The following FLRT2 variants were observed in gnomAD, a reference collection of about 807,000 sequenced individuals.
FLRT2 encodes fibronectin leucine rich transmembrane protein 2.
Under a neutral mutation model 40.0 loss-of-function variants are expected in FLRT2, and 15 were observed. That is an observed-to-expected ratio of 0.38 (90% CI 0.25 to 0.58). FLRT2 has a LOEUF of 0.58. Among genes scored for constraint, FLRT2 ranks in the 20% least tolerant of loss-of-function variants. The pLI, the probability that FLRT2 is intolerant of heterozygous loss-of-function variation, is 0.71. For synonymous variants in FLRT2, 380 were observed against 336.8 expected, an observed-to-expected ratio of 1.13 and a Z score of -1.41; for missense variants, 726 against 840.0, an observed-to-expected ratio of 0.86 and a Z score of 1.68.
intron 1 of FLRT2, among the ~76,000 whole-genome samples, chr14:85,561,595 T>C (rs1046523692): frequency 6.6e-6 from 1 of 152,184 alleles, no homozygotes; most frequent in African/African-American, 2.4e-5. Flanking sequence ...GGCAGGTAGA[T>C]GGCAAGGCAT....
intron 1 of FLRT2, among the ~76,000 whole-genome samples, chr14:85,532,846 A>T (rs1256315609): frequency 6.6e-6 from 1 of 152,178 alleles, no homozygotes; most frequent in African/African-American, 2.4e-5. Flanking sequence ...ATCATTTCTC[A>T]GTGTCTAAGT....
At position 85,591,911 on chromosome 14, in the gene FLRT2, A is replaced by C. The variant is rs373869064; in HGVS notation, c.-376-29228A>C. On this transcript the variant is annotated intron_variant, in intron 1 of 1. Transcript: ENST00000330753. ...GCCCTGACTCTTATGGATGTGGAGAATAAAGAGGCATTATGCTTATATAGA... is the reference window on the plus strand; with the variant it reads ...GCCCTGACTCTTATGGATGTGGAGACTAAAGAGGCATTATGCTTATATAGA... Among the ~76,000 whole-genome samples, 13 of 152,348 alleles carry C rather than the reference A, an allele frequency of 8.5e-5. 1 individual carries two copies. The highest frequency in any genetic ancestry group is 2.6e-4 in the African/African-American group (11 of 41,574).
At chr14:85,571,994 T>TA (rs1890910983) in intron 1 of FLRT2, among the ~76,000 whole-genome samples, 1 of 152,188 alleles carries the variant, frequency 6.6e-6, no homozygotes, top group African/African-American at 2.4e-5. Context: ...TCACTATTAT[T>TA]ATCTGACAGC....
rs1893932454 is a variant in FLRT2, at chr14:85,633,552, AC to A, written c.*10056del. 1.3e-5 allele frequency: 2 copies of A among 151,912 alleles called. No homozygotes were observed. Among genetic ancestry groups the A allele is most frequent in the African/African-American group, 4.8e-5 (2 of 41,348 alleles). The allele number at this position is 151,912 out of a possible 1,614,324, so 9.4% of individuals were successfully genotyped here. A position where few individuals can be genotyped will look rare whatever the true frequency, so the allele number is the denominator to read the frequency against. ...AGTGGCTCATGCCTATAATCGCAGT[AC>A]TTTGGGAGGCCAAGGTGGGAGGATT... On this transcript the variant is annotated 3_prime_UTR_variant, in exon 2 of 2. Coordinates refer to ENST00000330753, the MANE Select transcript of FLRT2 (RefSeq NM_013231.6).
intron 1 of FLRT2, among the ~76,000 whole-genome samples, chr14:85,565,800 A>T (rs1203851411): frequency 6.6e-6 from 1 of 152,186 alleles, no homozygotes; most frequent in Non-Finnish European, 1.5e-5. Context: ...ATAACTTCAT[A>T]CCAATTGAAT....
At chr14:85,597,727 T>C (rs754255881) in intron 1 of FLRT2, among the ~76,000 whole-genome samples, 4 of 152,216 alleles carry the variant, frequency 2.6e-5, no homozygotes, top group South Asian at 2.1e-4. Flanking sequence ...CCGCTAAGGA[T>C]GCGGCCAACT....
intron 1 of FLRT2, among the ~76,000 whole-genome samples, chr14:85,549,378 C>A (rs1566721699): frequency 6.6e-6 from 1 of 152,216 alleles, no homozygotes; most frequent in Admixed American, 6.5e-5. Flanking sequence ...CCCAGAAGCT[C>A]TTGTCCTGGC....
rs1332557597 is a variant in FLRT2 at position 85,626,308 on chromosome 14, C to T, written c.*2811C>T. The T allele has an allele frequency of 6.0e-6, 1 of 167,036 alleles. No individual in the cohort carries two copies. The highest frequency in any genetic ancestry group is 2.4e-5 in the African/African-American group (1 of 41,416). The allele number at this position is 167,036 out of a possible 1,614,324, so 10.3% of individuals were successfully genotyped here. ...ATATCTGCTCTGTGTTTGGGCCTCT[C>T]TTGCTGTCATTATGATGTATTTTGA... is the stretch of plus-strand genomic sequence containing the variant. On this transcript the variant is annotated 3_prime_UTR_variant, in exon 2 of 2. Coordinates refer to ENST00000330753, the MANE Select transcript of FLRT2 (RefSeq NM_013231.6).
Position 85,650,032 on chromosome 14 carries a change from A to C in FLRT2, c.*26535A>C, listed in dbSNP as rs1894396144. On this transcript the variant is annotated 3_prime_UTR_variant, in exon 2 of 2. Transcript: ENST00000330753. ...TTTGTCTGAAATTAATATCATCCTA[A>C]ATTTGCTTCATTGCTTTTATTCATT... The C allele has an allele frequency of 2.0e-5, 3 of 152,146 alleles. No individual in the cohort carries two copies. Among genetic ancestry groups the C allele is most frequent in the African/African-American group, 4.8e-5 (2 of 41,558 alleles). The allele number at this position is 152,146 out of a possible 1,614,324, so 9.4% of individuals were successfully genotyped here.
At position 85,621,407 on chromosome 14, in the gene FLRT2, A is replaced by T. The variant is rs1893371927; in HGVS notation, c.-108A>T. On this transcript the variant is annotated 5_prime_UTR_variant, in exon 2 of 2. Coordinates refer to ENST00000330753, the MANE Select transcript of FLRT2 (RefSeq NM_013231.6). ...CCCTCAGGACGTTCCCTCTAGCTGG[A>T]GTTCTGGACTTCAACAGAACCCCAT... 1 of 982,134 alleles carries T rather than the reference A, an allele frequency of 1.0e-6. No homozygotes were observed. Among genetic ancestry groups the T allele is most frequent in the South Asian group, 1.7e-5 (1 of 58,280 alleles). 60.8% of individuals were successfully genotyped at this position (982,134 alleles called of 1,614,324 possible).
intron 1 of FLRT2, among the ~76,000 whole-genome samples, chr14:85,576,241 G>C (rs1891121321): frequency 6.6e-6 from 1 of 152,156 alleles, no homozygotes; most frequent in Non-Finnish European, 1.5e-5. Context: ...TTCAGCTCTA[G>C]TGCTGTTTTA....
chr14:85,603,512 T>A (rs1186940479), intron 1 of FLRT2, among the ~76,000 whole-genome samples: 1 of 152,194 alleles, frequency 6.6e-6, no homozygotes, highest in Non-Finnish European at 1.5e-5. Flanking sequence ...TGATAATAGA[T>A]GATGGGATTT....
At chr14:85,598,553 G>A (rs1221889546) in intron 1 of FLRT2, among the ~76,000 whole-genome samples, 2 of 152,154 alleles carry the variant, frequency 1.3e-5, no homozygotes, top group South Asian at 2.1e-4. Context: ...TGAATTCATC[G>A]TAGGGCTTGG....
rs1446324548 is a variant in FLRT2, at chr14:85,636,525, CT to C, written c.*13029del. ...ATAGCTGTCACTATGGAAGTAATTA[CT>C]CTAAAGGAAATCTGTTTTAAAAAGC... On this transcript the variant is annotated 3_prime_UTR_variant, in exon 2 of 2. Transcript: ENST00000330753. The C allele has an allele frequency of 6.6e-6, 1 of 151,502 alleles. No homozygotes were observed. Among genetic ancestry groups the C allele is most frequent in the Non-Finnish European group, 1.5e-5 (1 of 67,924 alleles). The allele number at this position is 151,502 out of a possible 1,614,324, so 9.4% of individuals were successfully genotyped here.
Position 85,624,760 on chromosome 14 carries a change from G to GGA in FLRT2, c.*1263_*1264insGA, listed in dbSNP as rs28364860. On this transcript the variant is annotated 3_prime_UTR_variant, in exon 2 of 2. Coordinates refer to ENST00000330753, the MANE Select transcript of FLRT2 (RefSeq NM_013231.6). ...CTTGGCTGCACAAGATATCCATTAC[G>GGA]TACTTATACATTTTAAAATGAGTAC... 2.2e-4 allele frequency: 36 copies of GGA among 166,996 alleles called. No homozygotes were observed. The East Asian group carries it at 3.1e-3, about 14-fold the overall frequency. The allele number at this position is 166,996 out of a possible 1,614,324, so 10.3% of individuals were successfully genotyped here.
intron 1 of FLRT2, among the ~76,000 whole-genome samples, chr14:85,558,924 T>C (rs1890141761): frequency 6.6e-6 from 1 of 152,244 alleles, no homozygotes; most frequent in Non-Finnish European, 1.5e-5. Context: ...CATAGTTTTC[T>C]CTGGATTGGA....
chr14:85,547,734 C>A (rs931056646), intron 1 of FLRT2, among the ~76,000 whole-genome samples: 24 of 152,168 alleles, frequency 1.6e-4, no homozygotes, highest in Admixed American at 1.5e-3. Context: ...GGATGTGCAC[C>A]CATGACACAG....
rs780636829 is a variant in FLRT2 at position 85,651,690 on chromosome 14, G to C, written c.*28193G>C. ...GACTTTTATTTTGGCTGATATTTTC[G>C]TTACTTTTTTCTTATTTTTATCCTT... On this transcript the variant is annotated 3_prime_UTR_variant, in exon 2 of 2. Transcript: ENST00000330753. The C allele has an allele frequency of 6.6e-6, 1 of 151,660 alleles. No individual in the cohort carries two copies. Among genetic ancestry groups the C allele is most frequent in the Non-Finnish European group, 1.5e-5 (1 of 67,866 alleles). 9.4% of individuals were successfully genotyped at this position (151,660 alleles called of 1,614,324 possible).
intron 1 of FLRT2, among the ~76,000 whole-genome samples, chr14:85,585,260 C>T (rs1293616764): frequency 4.6e-5 from 7 of 152,102 alleles, no homozygotes; most frequent in Non-Finnish European, 1.0e-4. Flanking sequence ...GAGGATCTGC[C>T]CTCAGGGTTG....
Sources: allele counts gnomAD v4.1 joint callset (sites outside exome capture counted in the v4.1 genomes callset), GRCh38; gene constraint gnomAD v4.1.1; transcripts MANE v1.5; gene names NCBI Gene and HGNC (gene_info 2026-07-23, HGNC 2026-07-21).